The following NT5DC1 variants were observed in gnomAD, a reference collection of about 807,000 sequenced individuals.
NT5DC1 encodes the protein 5'-nucleotidase domain-containing protein 1.
A neutral mutation model predicts 59.4 loss-of-function variants in NT5DC1; 42 were observed. That is an observed-to-expected ratio of 0.71 (90% CI 0.55 to 0.92). The LOEUF (loss-of-function observed/expected upper bound fraction) is 0.92. Ranked by LOEUF, NT5DC1 falls within the 40% of genes least tolerant of loss-of-function variation. The pLI is 0.00. For missense variants in NT5DC1, 501 were observed against 537.1 expected, an observed-to-expected ratio of 0.93 and a Z score of 0.66; for synonymous variants, 172 against 188.1, an observed-to-expected ratio of 0.91 and a Z score of 0.70.
rs893858661 is a variant in NT5DC1 at position 116,247,082 on chromosome 6, C to T, written c.*3058C>T. On this transcript the variant is annotated 3_prime_UTR_variant, in exon 12 of 12. Transcript: ENST00000319550. ...TGTTAGTAAGAGAGCAATACATGAA[C>T]CCAAGTTTGATCCTCAAAATCACAC... 1 of 152,094 alleles carries T rather than the reference C, an allele frequency of 6.6e-6. No homozygotes were observed. The highest frequency in any genetic ancestry group is 2.1e-4 in the South Asian group (1 of 4,824). The allele number at this position is 152,094 out of a possible 1,614,324, so 9.4% of individuals were successfully genotyped here.
At chr6:116,165,469 C>T (rs1369776421) in intron 6 of NT5DC1, among the ~76,000 whole-genome samples, 2 of 152,166 alleles carry the variant, frequency 1.3e-5, no homozygotes, top group South Asian at 2.1e-4. Flanking sequence ...TCAGGAATAC[C>T]TATAAATTAT....
At chr6:116,237,917 G>A (rs931873539) in intron 9 of NT5DC1, among the ~76,000 whole-genome samples, 9 of 152,222 alleles carry the variant, frequency 5.9e-5, no homozygotes, top group African/African-American at 2.2e-4. Context: ...ACTTCTTTAG[G>A]AAAATTGAAT....
chr6:116,154,029 CTTT>C (rs34356532), intron 6 of NT5DC1, among the ~76,000 whole-genome samples: 14 of 122,328 alleles, frequency 1.1e-4, no homozygotes, highest in Admixed American at 1.6e-4. Flanking sequence ...GGGAAGATTT[CTTT>C]TTTTTTTTTT....
chr6:116,183,310 T>C (rs74986252), intron 6 of NT5DC1, among the ~76,000 whole-genome samples: 31,941 of 152,028 alleles, frequency 0.21, 3,508 homozygotes, highest in East Asian at 0.27. Flanking sequence ...GGTAATGTGA[T>C]GCCTCCAGAT....
intron 6 of NT5DC1, among the ~76,000 whole-genome samples, chr6:116,211,791 G>A (rs1229897714): frequency 1.3e-5 from 2 of 152,012 alleles, no homozygotes; most frequent in Admixed American, 6.6e-5. Context: ...TTGCTTTGTT[G>A]TACTGTGCAA....
At chr6:116,157,866 T>TTGTACGTCTTTTAGGCTAGTAATAA in intron 6 of NT5DC1, among the ~76,000 whole-genome samples, 1 of 152,312 alleles carries the variant, frequency 6.6e-6, no homozygotes, top group South Asian at 2.1e-4. Context: ...ATCCCTTGTA[T>TTGTACGTCTTTTAGGCTAGTAATAA]TGTACGTCTT....
chr6:116,122,671 T>C (rs1238635969), intron 6 of NT5DC1, among the ~76,000 whole-genome samples: 1 of 152,206 alleles, frequency 6.6e-6, no homozygotes, highest in Non-Finnish European at 1.5e-5. Context: ...GTGCCTGTGA[T>C]GTGAAAAATG....
At chr6:116,202,844 T>G (rs1326995821) in intron 6 of NT5DC1, among the ~76,000 whole-genome samples, 1 of 152,074 alleles carries the variant, frequency 6.6e-6, no homozygotes, top group Admixed American at 6.6e-5. Flanking sequence ...GTGACAGTTC[T>G]TAATTACCTC....
chr6:116,221,612 A>T (rs1425406547), intron 7 of NT5DC1, among the ~76,000 whole-genome samples: 1 of 152,162 alleles, frequency 6.6e-6, no homozygotes, highest in Non-Finnish European at 1.5e-5. Flanking sequence ...CTCTTTAGTC[A>T]TTTCCGTGCG....
chr6:116,185,125 G>C (rs1780968848), intron 6 of NT5DC1, among the ~76,000 whole-genome samples: 1 of 152,046 alleles, frequency 6.6e-6, no homozygotes, highest in African/African-American at 2.4e-5. Flanking sequence ...TTGATCCAAA[G>C]ATCATTCAGG....
intron 8 of NT5DC1, among the ~76,000 whole-genome samples, chr6:116,231,154 C>CCCCT (rs1782012824): frequency 6.8e-6 from 1 of 147,022 alleles, no homozygotes; most frequent in African/African-American, 2.6e-5. Context: ...TAAATCCCCC[C>CCCCT]CCCAAACCAA....
At chr6:116,233,140 T>G (rs764511615) in intron 8 of NT5DC1, among the ~76,000 whole-genome samples, 86 of 152,352 alleles carry the variant, frequency 5.6e-4, no homozygotes, top group Non-Finnish European at 1.1e-3. Context: ...CCTAATAATA[T>G]ATTTTTATAG....
At chr6:116,231,327 A>G (rs1782017064) in intron 8 of NT5DC1, among the ~76,000 whole-genome samples, 1 of 152,190 alleles carries the variant, frequency 6.6e-6, no homozygotes, top group African/African-American at 2.4e-5. Flanking sequence ...TGGAGAAAAA[A>G]AAGTCTAGCC....
At chr6:116,222,933 A>G in intron 7 of NT5DC1, 101 bp from the exon 8 acceptor site, 1 of 657,418 alleles carries the variant, frequency 1.5e-6, no homozygotes, top group Non-Finnish European at 2.7e-6. Context: ...CAAAAGATGA[A>G]TGATGCTGTG....
chr6:116,174,138 A>T (rs1455434851), intron 6 of NT5DC1, among the ~76,000 whole-genome samples: 1 of 152,172 alleles, frequency 6.6e-6, no homozygotes, highest in Non-Finnish European at 1.5e-5. Context: ...TGTCAACATG[A>T]CATCACTGCT....
Position 116,106,113 on chromosome 6 carries a change from C to A in NT5DC1, c.94-131C>A, listed in dbSNP as rs1778761996. 5.8e-6 allele frequency: 4 copies of A among 692,322 alleles called. No homozygotes were observed. In the Admixed American group the frequency reaches 7.0e-5, roughly 12 times the overall value. The allele number at this position is 692,322 out of a possible 1,614,324, so 42.9% of individuals were successfully genotyped here. On this transcript the variant is annotated intron_variant, in intron 1 of 11. Transcript: ENST00000319550. ...TGTGAAGGAGAATTATACTGCAGAA[C>A]TTCACAATTACAGATATTTCCTTCC... is the stretch of plus-strand genomic sequence containing the variant.
intron 6 of NT5DC1, among the ~76,000 whole-genome samples, chr6:116,171,070 T>C (rs1780594480): frequency 6.6e-6 from 1 of 152,190 alleles, no homozygotes; most frequent in South Asian, 2.1e-4. Flanking sequence ...TGGCCTGTAA[T>C]ATCCTTAGAA....
intron 6 of NT5DC1, among the ~76,000 whole-genome samples, chr6:116,178,088 TGCGCGCGCGCGCGCGTGC>T (rs1431412825): frequency 2.0e-5 from 2 of 99,668 alleles, no homozygotes; most frequent in African/African-American, 9.3e-5. Flanking sequence ...TGTGTGTGTG[TGCGCGCGCGCGCGCGTGC>T]GTGCGTGTGT....
chr6:116,132,198 G>A (rs1019261785), intron 6 of NT5DC1, among the ~76,000 whole-genome samples: 3 of 152,054 alleles, frequency 2.0e-5, no homozygotes, highest in African/African-American at 7.2e-5. Context: ...GGGATTCATG[G>A]CCTTGTTTCC....
Sources: gnomAD v4.1 joint callset for allele counts (sites outside exome capture counted in the v4.1 genomes callset) on GRCh38, gnomAD v4.1.1 for gene constraint, MANE v1.5 for transcripts, NCBI Gene and HGNC (gene_info 2026-07-23, HGNC 2026-07-21) for gene names.